Variants in C1QTNF7 observed in about 807,000 individuals in gnomAD.
The protein encoded by C1QTNF7 is complement C1q tumor necrosis factor-related protein 7.
Under a neutral mutation model 19.6 loss-of-function variants are expected in C1QTNF7, and 15 were observed. The ratio of observed to expected loss-of-function variants is 0.76; its 90% CI spans 0.51 to 1.18. C1QTNF7 has a LOEUF of 1.18. Among genes scored for constraint, C1QTNF7 ranks in the 50% most tolerant of loss-of-function variants. C1QTNF7 has a pLI of 0.00. For missense variants in C1QTNF7, 324 were observed against 359.7 expected (o/e 0.90, Z 0.80); for synonymous variants, 142 against 137.5 (o/e 1.03, Z -0.23).
intron 1 of C1QTNF7, among the ~76,000 whole-genome samples, chr4:15,346,183 A>G (rs1716712858): frequency 6.6e-6 from 1 of 152,194 alleles, no homozygotes; most frequent in Non-Finnish European, 1.5e-5. Flanking sequence ...TTATTACCCC[A>G]TCTCACTGCT....
In C1QTNF7 at chr4:15,428,076, A is replaced by G. The variant is rs2108931901; in HGVS notation, c.-39A>G. The G allele has an allele frequency of 2.0e-6, 2 of 985,440 alleles. No individual in the cohort carries two copies. The highest frequency in any genetic ancestry group is 1.1e-4 in the East Asian group (1 of 8,820). 61.0% of individuals were successfully genotyped at this position (985,440 alleles called of 1,614,324 possible). A position where few individuals can be genotyped will look rare whatever the true frequency, so the allele number is the denominator to read the frequency against. On this transcript the variant is annotated 5_prime_UTR_variant, in exon 1 of 3. Transcript: ENST00000444304. ...ATCCTCAGTCTCTTGTGGATTTAGA[A>G]TCCTGCAGCAGCCCACCATCTAAGA...
At chr4:15,355,551 C>T (rs1484472628) in intron 1 of C1QTNF7, among the ~76,000 whole-genome samples, 2 of 151,864 alleles carry the variant, frequency 1.3e-5, no homozygotes, top group Admixed American at 1.3e-4. Flanking sequence ...CAGGTGCTTG[C>T]TAGTTGTGTA....
chr4:15,354,420 A>G (rs1479637332), intron 1 of C1QTNF7, among the ~76,000 whole-genome samples: 5 of 152,108 alleles, frequency 3.3e-5, no homozygotes, highest in African/African-American at 7.2e-5. Context: ...GAAGCTGACC[A>G]TGTGTGGGGG....
upstream of C1QTNF7, among the ~76,000 whole-genome samples, chr4:15,423,483 A>C (rs1711886750): frequency 1.3e-5 from 2 of 152,328 alleles, no homozygotes; most frequent in East Asian, 3.9e-4. Context: ...TCAGTTTAGA[A>C]ACCAAACTGA....
At chr4:15,430,081 A>C (rs1439902442) in intron 1 of C1QTNF7, among the ~76,000 whole-genome samples, 1 of 152,228 alleles carries the variant, frequency 6.6e-6, no homozygotes, top group Non-Finnish European at 1.5e-5. Context: ...AAAGGGCTCC[A>C]TGACTAAATA....
intron 2 of C1QTNF7, among the ~76,000 whole-genome samples, chr4:15,440,316 AC>A (rs35473379): frequency 0.27 from 40,666 of 151,920 alleles, 6,193 homozygotes; most frequent in Non-Finnish European, 0.35. Context: ...CTTGACTCCA[AC>A]CCCAAAGGTA....
At chr4:15,377,142 A>C (rs1220221425) in intron 1 of C1QTNF7, among the ~76,000 whole-genome samples, 3 of 152,198 alleles carry the variant, frequency 2.0e-5, no homozygotes, top group East Asian at 1.9e-4. Flanking sequence ...AAAGTTTGAC[A>C]GTTCTATAAT....
chr4:15,425,398 G>T (rs1711991550), upstream of C1QTNF7, among the ~76,000 whole-genome samples: 1 of 152,166 alleles, frequency 6.6e-6, no homozygotes. Context: ...GATGCATACA[G>T]AAGATAAATG....
At chr4:15,368,181 G>T (rs1198543693) in intron 1 of C1QTNF7, among the ~76,000 whole-genome samples, 1 of 152,076 alleles carries the variant, frequency 6.6e-6, no homozygotes, top group East Asian at 1.9e-4. Context: ...CTTTGTGTCT[G>T]GCTTTTAAAA....
chr4:15,396,414 G>A (rs537833305), intron 1 of C1QTNF7, among the ~76,000 whole-genome samples: 7 of 152,294 alleles, frequency 4.6e-5, no homozygotes, highest in East Asian at 1.9e-4. Context: ...GAGGTCAGGC[G>A]AAGTAGTACA....
intron 1 of C1QTNF7, among the ~76,000 whole-genome samples, chr4:15,342,879 A>T (rs1013972652): frequency 9.8e-5 from 15 of 152,364 alleles, no homozygotes; most frequent in Middle Eastern, 3.4e-3. Flanking sequence ...GGTCACAAAC[A>T]TCTGGCTTCA....
At chr4:15,355,998 G>C (rs1168524172) in intron 1 of C1QTNF7, among the ~76,000 whole-genome samples, 1 of 152,012 alleles carries the variant, frequency 6.6e-6, no homozygotes, top group African/African-American at 2.4e-5. Context: ...ACCATGCCTG[G>C]CTAATATTTT....
At chr4:15,407,144 C>T (rs1449201973) in intron 1 of C1QTNF7, among the ~76,000 whole-genome samples, 2 of 152,104 alleles carry the variant, frequency 1.3e-5, no homozygotes, top group African/African-American at 2.4e-5. Flanking sequence ...AGAGTCTCTC[C>T]TGGGCATGGA....
chr4:15,384,183 G>A (rs1718249166), intron 1 of C1QTNF7, among the ~76,000 whole-genome samples: 1 of 152,174 alleles, frequency 6.6e-6, no homozygotes. Flanking sequence ...TTGAACCTGG[G>A]ATCATTGCTT....
At chr4:15,420,949 C>T (rs1388988297) in intron 1 of C1QTNF7, among the ~76,000 whole-genome samples, 1 of 143,824 alleles carries the variant, frequency 7.0e-6, no homozygotes, top group African/African-American at 2.6e-5. Context: ...CTGCTGAGGA[C>T]ATTGTTTTGG....
intron 1 of C1QTNF7, among the ~76,000 whole-genome samples, chr4:15,406,794 G>A (rs774854210): frequency 7.2e-5 from 11 of 152,094 alleles, no homozygotes; most frequent in Non-Finnish European, 1.2e-4. Flanking sequence ...ACACAAAATT[G>A]ATAGTTCAAT....
At chr4:15,368,128 G>A (rs775785228) in intron 1 of C1QTNF7, among the ~76,000 whole-genome samples, 2 of 151,964 alleles carry the variant, frequency 1.3e-5, no homozygotes, top group Non-Finnish European at 2.9e-5. Flanking sequence ...GGACTTAGTT[G>A]CATTTTCTAG....
At chr4:15,397,904 A>T (rs140518367) in intron 1 of C1QTNF7, among the ~76,000 whole-genome samples, 1 of 152,244 alleles carries the variant, frequency 6.6e-6, no homozygotes, top group East Asian at 1.9e-4. Flanking sequence ...AGAATCCCCA[A>T]ATCATCCCAA....
Position 15,415,007 on chromosome 4 carries a change from G to A in C1QTNF7, c.14-20729G>A, listed in dbSNP as rs141374839. Among the ~76,000 whole-genome samples, 381 of 152,302 alleles carry A rather than the reference G, an allele frequency of 2.5e-3. 1 individual carries two copies. Among genetic ancestry groups the A allele is most frequent in the African/African-American group, 8.7e-3 (362 of 41,566 alleles). On this transcript the variant is annotated intron_variant, in intron 1 of 2. Transcript: ENST00000295297. ...ACCAAACATCATAAAACATGAGTGC[G>A]CATACCCTTACATCACTCAGACCGC...
Sources: gnomAD v4.1 joint callset for allele counts (sites outside exome capture counted in the v4.1 genomes callset) on GRCh38, gnomAD v4.1.1 for gene constraint, MANE v1.5 for transcripts, NCBI Gene and HGNC (gene_info 2026-07-23, HGNC 2026-07-21) for gene names.